The following FJX1 variants were observed in gnomAD, a reference collection of about 807,000 sequenced individuals.
FJX1 encodes the protein four-jointed box protein 1.
A neutral mutation model predicts 28.7 loss-of-function variants in FJX1; 21 were observed. The ratio of observed to expected loss-of-function variants is 0.73; its 90% CI spans 0.52 to 1.05. The LOEUF (loss-of-function observed/expected upper bound fraction) is 1.05, where lower values mean the gene tolerates loss of function less well. Among genes scored for constraint, FJX1 ranks in the 50% least tolerant of loss-of-function variants. The probability of loss-of-function intolerance (pLI) is 0.00; values close to 1 mark genes in which losing one functional copy is unlikely to be tolerated. For missense variants in FJX1, 683 were observed against 647.2 expected (o/e 1.06, Z -0.60); for synonymous variants, 363 against 310.0 (o/e 1.17, Z -1.80).
In FJX1 at chr11:35,619,837, G is replaced by A. The variant is rs766817613; in HGVS notation, c.1201G>A (p.Glu401Lys). ...LYRRHEPRFP[E>K]LAALADPHAQ... ...CCGGCGCCACGAGCCTCGCTTCCCCGAGCTGGCCGCCCTTGCAGACCCCCA... is the reference window on the plus strand; with the variant it reads ...CCGGCGCCACGAGCCTCGCTTCCCCAAGCTGGCCGCCCTTGCAGACCCCCA... Residue 401 changes from glutamate (E) to lysine (K), a missense_variant, in exon 1 of 1, where the codon GAG becomes AAG. Coordinates refer to ENST00000317811, the MANE Select transcript of FJX1 (RefSeq NM_014344.4). The surrounding 1 kb of genome is among the most constrained non-coding windows in gnomAD (Gnocchi z 7.6). The A allele has an allele frequency of 6.4e-7, 1 of 1,552,972 alleles. No individual in the cohort carries two copies. Among genetic ancestry groups the A allele is most frequent in the South Asian group, 1.2e-5 (1 of 84,240 alleles).
In FJX1 at chr11:35,618,912, C is replaced by T. The variant is rs1263600139; in HGVS notation, c.276C>T (p.Gly92=). 113 of 1,405,246 alleles carry T rather than the reference C, an allele frequency of 8.0e-5. No homozygotes were observed. Among genetic ancestry groups the T allele is most frequent in the Non-Finnish European group, 9.7e-5 (105 of 1,084,908 alleles). The allele number at this position is 1,405,246 out of a possible 1,614,324, so 87.0% of individuals were successfully genotyped here. ...TCACCCTGGCGGCCGGCGCGGACGG[C>T]CCGCCCCGGCAGTCCCGGAGCGAGC... ...ALLTLAAGAD[G]PPRQSRSEPR... Residue 92 remains glycine (G), a synonymous_variant, in exon 1 of 1, where the codon GGC becomes GGT. Coordinates refer to ENST00000317811, the MANE Select transcript of FJX1 (RefSeq NM_014344.4). The surrounding 1 kb of genome is among the most constrained non-coding windows in gnomAD (Gnocchi z 4.2).
chr11:35,619,267 G>T lies in FJX1; in HGVS notation c.631G>T (p.Ala211Ser). ...CCTCCAGCGCCACGTGCCGCCGCTG[G>T]CACTGGCTCGGGTGGAGGCTCGGGG... ...LGLQRHVPPLALARVEARGAQ... is the reference protein window; with the variant it reads ...LGLQRHVPPLSLARVEARGAQ... The change falls in exon 1 of 1, where the codon GCA becomes TCA. Residue 211 changes from alanine to serine, a missense_variant. Transcript: ENST00000317811. This position sits in a 1 kb window ranked among gnomAD's most constrained non-coding sequence, Gnocchi z 7.6. 1 of 1,565,792 alleles carries T rather than the reference G, an allele frequency of 6.4e-7. No homozygotes were observed. The highest frequency in any genetic ancestry group is 8.6e-7 in the Non-Finnish European group (1 of 1,165,548).
At position 35,618,560 on chromosome 11, in the gene FJX1, G is replaced by A. The variant is rs1178790799; in HGVS notation, c.-77G>A. On this transcript the variant is annotated 5_prime_UTR_variant, in exon 1 of 1. Transcript: ENST00000317811. This position sits in a 1 kb window ranked among gnomAD's most constrained non-coding sequence, Gnocchi z 4.2. ...AGCCCCGGAGCCCACAAACTGCCGGGCCCGCCTCGCCGCCGGGACCCGGGT... is the reference window on the plus strand; with the variant it reads ...AGCCCCGGAGCCCACAAACTGCCGGACCCGCCTCGCCGCCGGGACCCGGGT... The A allele has an allele frequency of 2.6e-5, 28 of 1,075,456 alleles. No individual in the cohort carries two copies. The highest frequency in any genetic ancestry group is 4.1e-4 in the Middle Eastern group (1 of 2,412). 66.6% of individuals were successfully genotyped at this position (1,075,456 alleles called of 1,614,324 possible). A position where few individuals can be genotyped will look rare whatever the true frequency, so the allele number is the denominator to read the frequency against.
chr11:35,619,156 G>T lies in FJX1; in HGVS notation c.520G>T (p.Gly174Cys), dbSNP rs900791354. 1.3e-6 allele frequency: 2 copies of T among 1,573,972 alleles called. No individual in the cohort carries two copies. The highest frequency in any genetic ancestry group is 1.4e-5 in the African/African-American group (1 of 71,190). Residue 174 changes from glycine to cysteine, a missense_variant, in exon 1 of 1, where the codon GGC (glycine) becomes TGC (cysteine). Coordinates refer to ENST00000317811, the MANE Select transcript of FJX1 (RefSeq NM_014344.4). The surrounding 1 kb of genome is among the most constrained non-coding windows in gnomAD (Gnocchi z 7.6). ...SSNRLARFAD[G>C]TRACVRYGIN... ...CAACCGACTGGCCCGTTTTGCCGAC[G>T]GCACCCGCGCCTGCGTGCGCTACGG...
Position 35,619,276 on chromosome 11 carries a change from C to A in FJX1, c.640C>A (p.Arg214=). The A allele has an allele frequency of 6.4e-7, 1 of 1,562,358 alleles. No individual in the cohort carries two copies. The highest frequency in any genetic ancestry group is 2.4e-5 in the East Asian group (1 of 42,096). ...QRHVPPLALA[R]VEARGAQWAQ... The stretch of plus-strand genomic sequence containing the variant: ...CCACGTGCCGCCGCTGGCACTGGCT[C>A]GGGTGGAGGCTCGGGGCGCGCAGTG... Residue 214 remains arginine (R), a synonymous_variant, in exon 1 of 1, where the codon CGG becomes AGG. Coordinates refer to ENST00000317811, the MANE Select transcript of FJX1 (RefSeq NM_014344.4). The surrounding 1 kb of genome is among the most constrained non-coding windows in gnomAD (Gnocchi z 7.6).
In FJX1 at chr11:35,619,376, C is replaced by T. The variant is rs1336475218; in HGVS notation, c.740C>T (p.Pro247Leu). ...GTGGTGAGCCTGACACGCTGGCTGCCCAACCTCACGGACGTGGTGGTGCCC... is the reference window on the plus strand; with the variant it reads ...GTGGTGAGCCTGACACGCTGGCTGCTCAACCTCACGGACGTGGTGGTGCCC... ...GSVVSLTRWL[P>L]NLTDVVVPAP... Residue 247 changes from proline to leucine, a missense_variant, in exon 1 of 1, where the codon CCC becomes CTC. Transcript: ENST00000317811. This position sits in a 1 kb window ranked among gnomAD's most constrained non-coding sequence, Gnocchi z 7.6. The T allele has an allele frequency of 1.3e-6, 2 of 1,592,076 alleles. No homozygotes were observed. The highest frequency in any genetic ancestry group is 1.7e-6 in the Non-Finnish European group (2 of 1,176,912).
chr11:35,618,799 G>A lies in FJX1; in HGVS notation c.163G>A (p.Gly55Ser). The change falls in exon 1 of 1, where the codon GGC becomes AGC. Residue 55 changes from glycine (G) to serine (S), a missense_variant. By Grantham distance (56) the Gly-to-Ser change is moderately conservative. Transcript: ENST00000317811. The surrounding 1 kb of genome is among the most constrained non-coding windows in gnomAD (Gnocchi z 4.2). ...RLPRRPARSG[G>S]PAPAPRFPLP... ...CCCACGGCGCCCGGCCCGGAGCGGCGGCCCCGCGCCCGCGCCTCGCTTCCC... is the reference window on the plus strand; with the variant it reads ...CCCACGGCGCCCGGCCCGGAGCGGCAGCCCCGCGCCCGCGCCTCGCTTCCC... 2 of 1,252,576 alleles carry A rather than the reference G, an allele frequency of 1.6e-6. No individual in the cohort carries two copies. The highest frequency in any genetic ancestry group is 2.9e-5 in the South Asian group (1 of 34,780). 77.6% of individuals were successfully genotyped at this position (1,252,576 alleles called of 1,614,324 possible).
chr11:35,620,183 G>A lies in FJX1; in HGVS notation c.*233G>A. The A allele has an allele frequency of 1.6e-6, 1 of 638,840 alleles. No individual in the cohort carries two copies. The highest frequency in any genetic ancestry group is 2.7e-6 in the Non-Finnish European group (1 of 370,496). The allele number at this position is 638,840 out of a possible 1,614,324, so 39.6% of individuals were successfully genotyped here. A position where few individuals can be genotyped will look rare whatever the true frequency, so the allele number is the denominator to read the frequency against. On this transcript the variant is annotated 3_prime_UTR_variant, in exon 1 of 1. Coordinates refer to ENST00000317811, the MANE Select transcript of FJX1 (RefSeq NM_014344.4). Reference sequence around the variant, plus strand: ...AGAAGTGTAACATTCTCTCCACCCAGCTTATAAAAGGATTCTTTACTGTGC... The same window carrying A: ...AGAAGTGTAACATTCTCTCCACCCAACTTATAAAAGGATTCTTTACTGTGC...
Position 35,619,935 on chromosome 11 carries a change from C to T in FJX1, c.1299C>T (p.Arg433=). The T allele has an allele frequency of 6.3e-7, 1 of 1,589,162 alleles. No homozygotes were observed. The highest frequency in any genetic ancestry group is 1.3e-5 in the African/African-American group (1 of 74,440). ...HILHCKAKYG[R]RSGT ...TGCACTGTAAGGCCAAGTACGGCCGCCGGTCTGGGACTTAGTGTCACCGGG... is the reference window on the plus strand; with the variant it reads ...TGCACTGTAAGGCCAAGTACGGCCGTCGGTCTGGGACTTAGTGTCACCGGG... Residue 433 remains arginine, a synonymous_variant, in exon 1 of 1, where the codon CGC becomes CGT. Transcript: ENST00000317811. The surrounding 1 kb of genome is among the most constrained non-coding windows in gnomAD (Gnocchi z 7.6).
chr11:35,619,208 A>G lies in FJX1; in HGVS notation c.572A>G (p.Glu191Gly). ...YGINPEQIQG[E>G]ALSYYLARLL... Reference sequence around the variant, plus strand: ...ATCAACCCGGAGCAGATTCAGGGCGAGGCCCTGTCTTACTATCTGGCGCGC... The same window carrying G: ...ATCAACCCGGAGCAGATTCAGGGCGGGGCCCTGTCTTACTATCTGGCGCGC... The change falls in exon 1 of 1, where the codon GAG becomes GGG. Residue 191 changes from glutamate (E) to glycine (G), a missense_variant. Coordinates refer to ENST00000317811, the MANE Select transcript of FJX1 (RefSeq NM_014344.4). This position sits in a 1 kb window ranked among gnomAD's most constrained non-coding sequence, Gnocchi z 7.6. 1 of 1,588,228 alleles carries G rather than the reference A, an allele frequency of 6.3e-7. No homozygotes were observed. The highest frequency in any genetic ancestry group is 1.4e-5 in the African/African-American group (1 of 73,136).
chr11:35,618,924 G>A lies in FJX1; in HGVS notation c.288G>A (p.Gln96=). ...LAAGADGPPR[Q]SRSEPRWHVS... ...CCGGCGCGGACGGCCCGCCCCGGCA[G>A]TCCCGGAGCGAGCCCAGGTGGCACG... The change falls in exon 1 of 1, where the codon CAG becomes CAA. Residue 96 remains glutamine, a synonymous_variant. Transcript: ENST00000317811. This position sits in a 1 kb window ranked among gnomAD's most constrained non-coding sequence, Gnocchi z 4.2. 1 of 1,455,136 alleles carries A rather than the reference G, an allele frequency of 6.9e-7. No homozygotes were observed. Among genetic ancestry groups the A allele is most frequent in the Non-Finnish European group, 9.0e-7 (1 of 1,110,912 alleles). The allele number at this position is 1,455,136 out of a possible 1,614,324, so 90.1% of individuals were successfully genotyped here. A position where few individuals can be genotyped will look rare whatever the true frequency, so the allele number is the denominator to read the frequency against.
rs528278578 is a variant in FJX1 at position 35,619,451 on chromosome 11, G to A, written c.815G>A (p.Gly272Glu). ...CGTCTGCGCCCCCTCCGGGATGCCG[G>A]GGGTGAGCTGGCCAACCTCAGCCAG... ...DGRLRPLRDAGGELANLSQAE... is the reference protein window; with the variant it reads ...DGRLRPLRDAEGELANLSQAE... The change falls in exon 1 of 1, where the codon GGG becomes GAG. Residue 272 changes from glycine (G) to glutamate (E), a missense_variant. Transcript: ENST00000317811. This position sits in a 1 kb window ranked among gnomAD's most constrained non-coding sequence, Gnocchi z 7.6. 2.5e-6 allele frequency: 4 copies of A among 1,598,848 alleles called. No homozygotes were observed. The East Asian group carries it at 6.7e-5, about 27-fold the overall frequency.
Position 35,618,901 on chromosome 11 carries a change from G to C in FJX1, c.265G>C (p.Gly89Arg). The C allele has an allele frequency of 7.2e-7, 1 of 1,395,594 alleles. No homozygotes were observed. The allele number at this position is 1,395,594 out of a possible 1,614,324, so 86.5% of individuals were successfully genotyped here. The change falls in exon 1 of 1, where the codon GGC becomes CGC. Residue 89 changes from glycine (G) to arginine (R), a missense_variant. Transcript: ENST00000317811. This position sits in a 1 kb window ranked among gnomAD's most constrained non-coding sequence, Gnocchi z 4.2. ...TFRALLTLAA[G>R]ADGPPRQSRS... ...CCGGGCGCTGCTCACCCTGGCGGCC[G>C]GCGCGGACGGCCCGCCCCGGCAGTC... is the stretch of plus-strand genomic sequence containing the variant.
chr11:35,619,763 T>G lies in FJX1; in HGVS notation c.1127T>G (p.Leu376Arg), dbSNP rs2135463505. ...VFRERTARRV[L>R]ELHRGQDAAA... ...CGCGAGCGGACCGCGCGGCGCGTCC[T>G]GGAGCTGCACCGCGGACAGGACGCC... Residue 376 changes from leucine to arginine, a missense_variant, in exon 1 of 1, where the codon CTG (leucine) becomes CGG (arginine). By Grantham distance (102) the Leu-to-Arg change is moderately radical. Transcript: ENST00000317811. This position sits in a 1 kb window ranked among gnomAD's most constrained non-coding sequence, Gnocchi z 7.6. The G allele has an allele frequency of 1.9e-6, 3 of 1,556,018 alleles. No individual in the cohort carries two copies. The highest frequency in any genetic ancestry group is 4.9e-5 in the East Asian group (2 of 41,146).
In FJX1 at chr11:35,619,421, ACGGCCGTCTGCGCCCCCTCCGGGATGC is replaced by A. The variant is rs1397513465; in HGVS notation, c.789_815del (p.Arg264_Gly272del). The A allele has an allele frequency of 1.9e-6, 3 of 1,597,652 alleles. No individual in the cohort carries two copies. Among genetic ancestry groups the A allele is most frequent in the Non-Finnish European group, 2.5e-6 (3 of 1,179,294 alleles). On this transcript the variant is annotated inframe_deletion, in exon 1 of 1. Coordinates refer to ENST00000317811, the MANE Select transcript of FJX1 (RefSeq NM_014344.4). The surrounding 1 kb of genome is among the most constrained non-coding windows in gnomAD (Gnocchi z 7.6). Reference sequence around the variant, plus strand: ...GTGCCCGCGCCCTGGCGCTCGGAGGACGGCCGTCTGCGCCCCCTCCGGGATGCCGGGGGTGAGCTGGCCAACCTCAGC... The same window carrying A: ...GTGCCCGCGCCCTGGCGCTCGGAGGACGGGGGTGAGCTGGCCAACCTCAGC...
rs77030854 is a variant in FJX1 at position 35,619,521 on chromosome 11, C to A, written c.885C>A (p.Phe295Leu). The A allele has an allele frequency of 7.5e-6, 12 of 1,600,040 alleles. No individual in the cohort carries two copies. The highest frequency in any genetic ancestry group is 2.2e-5 in the East Asian group (1 of 44,856). Reference protein sequence around the residue: ...DLVQWTDLILFDYLTANFDRL... With the variant: ...DLVQWTDLILLDYLTANFDRL... ...TACAATGGACCGACTTAATCCTTTT[C>A]GACTACCTGACGGCCAACTTCGACC... Residue 295 changes from phenylalanine (F) to leucine (L), a missense_variant, in exon 1 of 1, where the codon TTC becomes TTA. Physicochemically the swap from Phe to Leu is conservative, Grantham distance 22 (BLOSUM62 0). Coordinates refer to ENST00000317811, the MANE Select transcript of FJX1 (RefSeq NM_014344.4). The surrounding 1 kb of genome is among the most constrained non-coding windows in gnomAD (Gnocchi z 7.6).
chr11:35,620,023 C>G lies in FJX1; in HGVS notation c.*73C>G. On this transcript the variant is annotated 3_prime_UTR_variant, in exon 1 of 1. Transcript: ENST00000317811. ...TGGGGGGAAGGGCGGTCGCCTCTGC[C>G]ACTGTCAGGGACCAGCCGGCCAACG... is the stretch of plus-strand genomic sequence containing the variant. The G allele has an allele frequency of 6.5e-7, 1 of 1,542,450 alleles. No homozygotes were observed. Among genetic ancestry groups the G allele is most frequent in the Non-Finnish European group, 8.7e-7 (1 of 1,145,450 alleles).
Position 35,618,489 on chromosome 11 carries a change from A to G in FJX1, c.-148A>G. 1 of 714,388 alleles carries G rather than the reference A, an allele frequency of 1.4e-6. No individual in the cohort carries two copies. Among genetic ancestry groups the G allele is most frequent in the Non-Finnish European group, 1.8e-6 (1 of 567,476 alleles). The allele number at this position is 714,388 out of a possible 1,614,324, so 44.3% of individuals were successfully genotyped here. On this transcript the variant is annotated 5_prime_UTR_variant, in exon 1 of 1. Transcript: ENST00000317811. The surrounding 1 kb of genome is among the most constrained non-coding windows in gnomAD (Gnocchi z 4.2). ...CCCAGCGCCGGGCGGAGCGCCGGAC[A>G]GAGCCCCGCAGCGCCCCGCGGCCGC...
At position 35,618,734 on chromosome 11, in the gene FJX1, G is replaced by C; in HGVS notation, c.98G>C (p.Arg33Pro). 2 of 1,257,312 alleles carry C rather than the reference G, an allele frequency of 1.6e-6. No individual in the cohort carries two copies. Among genetic ancestry groups the C allele is most frequent in the Non-Finnish European group, 2.0e-6 (2 of 986,838 alleles). The allele number at this position is 1,257,312 out of a possible 1,614,324, so 77.9% of individuals were successfully genotyped here. Residue 33 changes from arginine (R) to proline (P), a missense_variant, in exon 1 of 1, where the codon CGG becomes CCG. Arg to Pro is a moderately radical substitution (Grantham distance 103). Coordinates refer to ENST00000317811, the MANE Select transcript of FJX1 (RefSeq NM_014344.4). The surrounding 1 kb of genome is among the most constrained non-coding windows in gnomAD (Gnocchi z 4.2). ...LALWGGLLPP[R>P]TELPASRPPE... ...CTGTGGGGAGGGCTCCTGCCGCCGC[G>C]GACCGAGCTGCCCGCCTCCCGGCCG...
Sources: allele counts gnomAD v4.1 joint callset, GRCh38; gene constraint gnomAD v4.1.1; non-coding constraint Gnocchi (gnomAD v3.1); transcripts MANE v1.5; gene names NCBI Gene and HGNC (gene_info 2026-07-23, HGNC 2026-07-21).